RIMBP2: variants seen among roughly 807,000 people sequenced by gnomAD.
RIMBP2 encodes RIMS-binding protein 2.
RIMBP2 carries 48 observed loss-of-function variants against 118.6 expected under a neutral mutation model. That is an observed-to-expected ratio of 0.40 (90% CI 0.32 to 0.51). The LOEUF (loss-of-function observed/expected upper bound fraction) is 0.51. Ranked by LOEUF, RIMBP2 falls within the 20% of genes least tolerant of loss-of-function variation. The pLI is 0.41. For missense variants in RIMBP2, 1,551 were observed against 1,768.3 expected (o/e 0.88, Z 2.20); for synonymous variants, 762 against 742.9 (o/e 1.03, Z -0.42).
intron 1 of RIMBP2, among the ~76,000 whole-genome samples, chr12:130,667,074 AGG>A (rs2063966420): frequency 1.6e-4 from 9 of 56,250 alleles, no homozygotes; most frequent in African/African-American, 5.0e-4. Context: ...GAAGGGAGGG[AGG>A]AAAAAATGAG....
chr12:130,488,903 CAGAGGCAGACAAAT>C (rs1281878440), intron 4 of RIMBP2, among the ~76,000 whole-genome samples: 1 of 152,132 alleles, frequency 6.6e-6, no homozygotes, highest in East Asian at 1.9e-4. Context: ...ATTGCTTCAC[CAGAGGCAGACAAAT>C]TAGCTGAGAA....
intron 1 of RIMBP2, among the ~76,000 whole-genome samples, chr12:130,645,264 G>A (rs1383915085): frequency 6.6e-6 from 1 of 152,066 alleles, no homozygotes; most frequent in African/African-American, 2.4e-5. Flanking sequence ...GCAAATTTTT[G>A]TATTTTTAAT....
intron 1 of RIMBP2, among the ~76,000 whole-genome samples, chr12:130,671,661 T>G (rs2064202630): frequency 6.6e-6 from 1 of 152,052 alleles, no homozygotes; most frequent in Non-Finnish European, 1.5e-5. Flanking sequence ...TGGAAGGATG[T>G]TTTGCAGCAC....
At chr12:130,491,731 C>T (rs1235487763) in intron 4 of RIMBP2, among the ~76,000 whole-genome samples, 2 of 152,316 alleles carry the variant, frequency 1.3e-5, no homozygotes, top group South Asian at 2.1e-4. Flanking sequence ...TCCGCCTCCC[C>T]GCGCAGAGAC....
At chr12:130,428,144 A>C in intron 15 of RIMBP2, 35 bp downstream of exon 15, 1 of 1,548,578 alleles carries the variant, frequency 6.5e-7, no homozygotes, top group Non-Finnish European at 8.7e-7. Context: ...TACTCTGGGG[A>C]CGGAGTGCAG....
intron 17 of RIMBP2, among the ~76,000 whole-genome samples, chr12:130,418,964 T>G (rs1463880708): frequency 1.3e-5 from 2 of 152,096 alleles, no homozygotes; most frequent in Non-Finnish European, 2.9e-5. Flanking sequence ...CACGTTGTTT[T>G]GGGGGGAAGA....
intron 2 of RIMBP2, among the ~76,000 whole-genome samples, chr12:130,608,143 G>A (rs992968797): frequency 2.0e-4 from 31 of 152,322 alleles, no homozygotes; most frequent in Non-Finnish European, 4.1e-4. Context: ...AACCAGGGCA[G>A]GAAAAGGAAA....
chr12:130,399,164 G>T, intron 22 of RIMBP2: 1 of 1,381,852 alleles, frequency 7.2e-7, no homozygotes, highest in Non-Finnish European at 9.4e-7. Flanking sequence ...CTCTTCTTCT[G>T]TTTCCAAGCA....
At chr12:130,702,009 A>G (rs2065878942) in intron 1 of RIMBP2, among the ~76,000 whole-genome samples, 1 of 152,096 alleles carries the variant, frequency 6.6e-6, no homozygotes, top group Non-Finnish European at 1.5e-5. Flanking sequence ...CCCCATGTGG[A>G]TGTTGCTCCC....
chr12:130,599,913 A>C (rs893432244), intron 2 of RIMBP2, among the ~76,000 whole-genome samples: 2 of 152,108 alleles, frequency 1.3e-5, no homozygotes, highest in African/African-American at 2.4e-5. Flanking sequence ...GCCCCATTCT[A>C]TTCAAAGTCC....
chr12:130,490,123 C>CAAAAAAAAAAA (rs35698241), intron 4 of RIMBP2, among the ~76,000 whole-genome samples: 2 of 95,436 alleles, frequency 2.1e-5, no homozygotes, highest in African/African-American at 7.6e-5. Context: ...GACTCTGTCT[C>CAAAAAAAAAAA]AAAAAAAAAA....
In RIMBP2 at chr12:130,446,519, G is replaced by A. The variant is rs1038070660; in HGVS notation, c.582-1250C>T. 6.6e-6 allele frequency among the ~76,000 whole-genome samples: 1 copy of A among 152,192 alleles called. No individual in the cohort carries two copies. Among genetic ancestry groups the A allele is most frequent in the Non-Finnish European group, 1.5e-5 (1 of 68,046 alleles). ...GGTCACGTGGCCCCTCATGGTCAGG[G>A]TGCAGAGGTCCAGGAACCCAATCCA... On this transcript the variant is annotated intron_variant, in intron 9 of 22. Coordinates refer to ENST00000690449, the MANE Select transcript of RIMBP2 (RefSeq NM_001393629.1). The surrounding 1 kb of genome is among the most constrained non-coding windows in gnomAD (Gnocchi z 4.1).
At chr12:130,629,587 A>G (rs575844028) in intron 1 of RIMBP2, among the ~76,000 whole-genome samples, 1 of 152,200 alleles carries the variant, frequency 6.6e-6, no homozygotes. Flanking sequence ...GCCAAGTGCT[A>G]TTATATTGAA....
At position 130,664,921 on chromosome 12, in the gene RIMBP2, G is replaced by A. The variant is rs201845215; in HGVS notation, c.-351-36465C>T. 5.5e-4 allele frequency among the ~76,000 whole-genome samples: 83 copies of A among 151,856 alleles called. 4 individuals carry two copies. Among genetic ancestry groups the A allele is most frequent in the African/African-American group, 1.9e-3 (79 of 41,140 alleles). ...ATGGGCCCATTCACAGAGGCCGGAG[G>A]GACAACAGGAAAACTGCCCCTTGTA... On this transcript the variant is annotated intron_variant, in intron 1 of 22. Coordinates refer to ENST00000690449, the MANE Select transcript of RIMBP2 (RefSeq NM_001393629.1).
intron 2 of RIMBP2, among the ~76,000 whole-genome samples, chr12:130,573,595 G>T (rs7136037): frequency 0.014 from 2,075 of 152,236 alleles, 51 homozygotes; most frequent in African/African-American, 0.048. Flanking sequence ...AACAGTCTTT[G>T]AAGTTCAGAG....
chr12:130,684,642 C>T (rs915825715), intron 1 of RIMBP2, among the ~76,000 whole-genome samples: 1 of 152,108 alleles, frequency 6.6e-6, no homozygotes, highest in African/African-American at 2.4e-5. Context: ...CCTGATATCC[C>T]GATATCTTGA....
rs12303298 is a variant in RIMBP2, at chr12:130,606,676, G to A, written c.-217+21646C>T. ...GTAAACTGTTGGAGCAAGCGGTAGA[G>A]ATCATGAACTGGAGATACTCTCCAG... On this transcript the variant is annotated intron_variant, in intron 2 of 22. Coordinates refer to ENST00000690449, the MANE Select transcript of RIMBP2 (RefSeq NM_001393629.1). Among the ~76,000 whole-genome samples the A allele has an allele frequency of 1.8e-3, 279 of 152,282 alleles. 3 individuals carry two copies. Among genetic ancestry groups the A allele is most frequent in the African/African-American group, 6.5e-3 (270 of 41,552 alleles).
rs1033260948 is a variant in RIMBP2 at position 130,475,683 on chromosome 12, T to C, written c.102+3229A>G. 2.6e-5 allele frequency among the ~76,000 whole-genome samples: 4 copies of C among 151,994 alleles called. No homozygotes were observed. The highest frequency in any genetic ancestry group is 9.7e-5 in the African/African-American group (4 of 41,342). The stretch of plus-strand genomic sequence containing the variant: ...ACTGAGACTCTCTTGAGAGGAATTT[T>C]ACAGCTTCAGCAGGGTATTGGGGAA... On this transcript the variant is annotated intron_variant, in intron 5 of 22. Transcript: ENST00000690449. This position sits in a 1 kb window ranked among gnomAD's most constrained non-coding sequence, Gnocchi z 4.1.
At chr12:130,421,803 G>A (rs1251449390) in intron 17 of RIMBP2, among the ~76,000 whole-genome samples, 1 of 151,822 alleles carries the variant, frequency 6.6e-6, no homozygotes, top group Non-Finnish European at 1.5e-5. Context: ...AATTCTCCTT[G>A]CCATGATTGA....
Sources: gnomAD v4.1 joint callset for allele counts (sites outside exome capture counted in the v4.1 genomes callset) on GRCh38, gnomAD v4.1.1 for gene constraint, Gnocchi (gnomAD v3.1) non-coding constraint, MANE v1.5 for transcripts, NCBI Gene and HGNC (gene_info 2026-07-23, HGNC 2026-07-21) for gene names.